CCNI: variants seen among roughly 807,000 people sequenced by gnomAD.
CCNI encodes cyclin I, also known as cyclin-I.
Under a neutral mutation model 34.1 loss-of-function variants are expected in CCNI, and 14 were observed. That is an observed-to-expected ratio of 0.41 (90% CI 0.27 to 0.64). CCNI has a LOEUF of 0.64. Among genes scored for constraint, CCNI ranks in the 30% least tolerant of loss-of-function variants. CCNI has a pLI of 0.31. For synonymous variants in CCNI, 154 were observed against 158.4 expected, an observed-to-expected ratio of 0.97 and a Z score of 0.21; for missense variants, 385 against 440.5, an observed-to-expected ratio of 0.87 and a Z score of 1.13.
intron 2 of CCNI, among the ~76,000 whole-genome samples, chr4:77,060,290 A>G (rs1466137148): frequency 6.6e-6 from 1 of 152,226 alleles, no homozygotes; most frequent in Non-Finnish European, 1.5e-5. Context: ...AAGCATATAT[A>G]TGGAATGCAA....
chr4:77,069,504 T>A (rs1044318390), intron 1 of CCNI, among the ~76,000 whole-genome samples: 1 of 151,984 alleles, frequency 6.6e-6, no homozygotes, highest in Non-Finnish European at 1.5e-5. Context: ...GTTTGTTACA[T>A]ATGTATACAT....
intron 2 of CCNI, 52 bp from the exon 3 acceptor site, chr4:77,058,687 G>A (rs765198206): frequency 3.9e-6 from 6 of 1,534,220 alleles, no homozygotes; most frequent in African/African-American, 1.4e-5. Flanking sequence ...CTATCATCAA[G>A]AGTATGTTTA....
intron 1 of CCNI, among the ~76,000 whole-genome samples, chr4:77,074,256 G>C (rs1435820219): frequency 1.3e-5 from 2 of 152,176 alleles, no homozygotes; most frequent in East Asian, 3.8e-4. Context: ...AACACATGCT[G>C]ACTGTATTAG....
chr4:77,056,206 G>T, intron 4 of CCNI, 43 bp downstream of exon 4: 1 of 1,595,546 alleles, frequency 6.3e-7, no homozygotes, highest in Non-Finnish European at 8.6e-7. Context: ...AATGTGGAGA[G>T]AAATTTTCAC....
intron 2 of CCNI, among the ~76,000 whole-genome samples, chr4:77,063,465 G>A (rs1578247102): frequency 6.6e-6 from 1 of 151,636 alleles, no homozygotes; most frequent in South Asian, 2.1e-4. Flanking sequence ...TTGGAAGGCC[G>A]GATCACAAGG....
chr4:77,066,437 A>G, intron 1 of CCNI, 32 bp from the exon 2 acceptor site: 1 of 1,555,550 alleles, frequency 6.4e-7, no homozygotes, highest in Non-Finnish European at 8.8e-7. Context: ...AAAATTAGTT[A>G]TAGAATAAGT....
At chr4:77,050,803 GA>G (rs1391470386) in intron 6 of CCNI, among the ~76,000 whole-genome samples, 1 of 149,704 alleles carries the variant, frequency 6.7e-6, no homozygotes, top group East Asian at 2.0e-4. Context: ...AAAGCACAGA[GA>G]AAGGATGGAG....
intron 2 of CCNI, among the ~76,000 whole-genome samples, chr4:77,059,353 A>G (rs1429987152): frequency 6.6e-6 from 1 of 151,370 alleles, no homozygotes; most frequent in Non-Finnish European, 1.5e-5. Flanking sequence ...TTAAAAAAAT[A>G]AAACCGGTTG....
intron 2 of CCNI, chr4:77,064,585 G>GCGCGCGCACACA (rs375436623): frequency 5.6e-5 from 8 of 143,102 alleles, no homozygotes; most frequent in African/African-American, 2.1e-4. Flanking sequence ...GCGCGCGCGC[G>GCGCGCGCACACA]CACACACACA....
intron 2 of CCNI, among the ~76,000 whole-genome samples, chr4:77,063,433 T>C (rs1728765501): frequency 1.3e-5 from 2 of 148,442 alleles, no homozygotes; most frequent in South Asian, 4.4e-4. Flanking sequence ...GTGCGGTGGC[T>C]CATGCCTGTA....
In CCNI at chr4:77,055,233, C is replaced by T. The variant is rs761870529; in HGVS notation, c.607G>A (p.Ala203Thr). ...QLLQFRGSML[A>T]LAMVSLEMEK... ...ATTTCCAGACTAACCATGGCCAGAG[C>T]AAGCATGGATCCTCTGAATTGCAGA... is the stretch of plus-strand genomic sequence containing the variant. The change falls in exon 6 of 7, where the codon GCT becomes ACT. Residue 203 changes from alanine (A) to threonine (T), a missense_variant. Ala to Thr is a moderately conservative substitution (Grantham distance 58, BLOSUM62 0). Transcript: ENST00000237654. 2.7e-5 allele frequency: 43 copies of T among 1,613,992 alleles called. No individual in the cohort carries two copies. The highest frequency in any genetic ancestry group is 6.7e-5 in the Admixed American group (4 of 60,002).
intron 1 of CCNI, among the ~76,000 whole-genome samples, chr4:77,067,014 A>C (rs1237839136): frequency 1.3e-5 from 2 of 152,148 alleles, no homozygotes; most frequent in Admixed American, 1.3e-4. Context: ...CGGGTGGATC[A>C]CTAGGTCAGG....
chr4:77,062,745 A>G (rs1488308454), intron 2 of CCNI, among the ~76,000 whole-genome samples: 1 of 152,152 alleles, frequency 6.6e-6, no homozygotes, highest in Non-Finnish European at 1.5e-5. Flanking sequence ...TTATCTTTGT[A>G]AATCAAAAGC....
chr4:77,074,702 T>C (rs2109860374), intron 1 of CCNI: 1 of 152,366 alleles, frequency 6.6e-6, no homozygotes, highest in East Asian at 1.9e-4. Flanking sequence ...TGTAATGCTC[T>C]GCTGCTCTAA....
chr4:77,056,482 C>G (rs1728237684), intron 3 of CCNI, 159 bp from the exon 4 acceptor site: 2 of 606,666 alleles, frequency 3.3e-6, no homozygotes, highest in African/African-American at 1.9e-5. Flanking sequence ...CTTTTTAGAT[C>G]AGAGCTAACT....
At chr4:77,063,563 G>C (rs1289019025) in intron 2 of CCNI, among the ~76,000 whole-genome samples, 1 of 151,506 alleles carries the variant, frequency 6.6e-6, no homozygotes, top group Non-Finnish European at 1.5e-5. Flanking sequence ...TGTGGCGGGC[G>C]CCTGTAGTCC....
intron 6 of CCNI, among the ~76,000 whole-genome samples, chr4:77,052,184 G>A (rs768389731): frequency 1.6e-4 from 23 of 144,716 alleles, no homozygotes; most frequent in Admixed American, 4.8e-4. Context: ...TGTACCCAAC[G>A]TTTAGCTCCC....
chr4:77,055,857 T>C (rs1728185208), intron 5 of CCNI, 105 bp downstream of exon 5: 1 of 943,854 alleles, frequency 1.1e-6, no homozygotes, highest in Middle Eastern at 3.4e-4. Context: ...TCAAGTTTTC[T>C]TTTTCCTATT....
At chr4:77,063,472 A>T (rs773363503) in intron 2 of CCNI, among the ~76,000 whole-genome samples, 1 of 151,480 alleles carries the variant, frequency 6.6e-6, no homozygotes, top group Non-Finnish European at 1.5e-5. Context: ...GCCGGATCAC[A>T]AGGTCAGGAG....
Sources: allele counts gnomAD v4.1 joint callset (sites outside exome capture counted in the v4.1 genomes callset), GRCh38; gene constraint gnomAD v4.1.1; transcripts MANE v1.5; gene names NCBI Gene and HGNC (gene_info 2026-07-23, HGNC 2026-07-21).